TMEM65: variants seen among roughly 807,000 people sequenced by gnomAD.
TMEM65 encodes the protein transmembrane protein 65.
A neutral mutation model predicts 25.4 loss-of-function variants in TMEM65; 22 were observed. The observed-to-expected ratio is 0.86, with a 90% CI of 0.62 to 1.23. The LOEUF is 1.23. Ranked by LOEUF, TMEM65 falls within the 50% of genes most tolerant of loss-of-function variation. The pLI is 0.00. For synonymous variants in TMEM65, 132 were observed against 126.2 expected (o/e 1.05, Z -0.31); for missense variants, 262 against 308.2 (o/e 0.85, Z 1.12).
intron 1 of TMEM65, among the ~76,000 whole-genome samples, chr8:124,340,337 T>C (rs1019494817): frequency 6.6e-6 from 1 of 152,238 alleles, no homozygotes; most frequent in South Asian, 2.1e-4. Context: ...CTTATGATAT[T>C]GCCAAATTAA....
chr8:124,346,949 C>T (rs116897232), intron 1 of TMEM65, among the ~76,000 whole-genome samples: 2,327 of 152,160 alleles, frequency 0.015, 30 homozygotes, highest in Non-Finnish European at 0.025. Flanking sequence ...AAATATACAA[C>T]ATATTAAAGA....
chr8:124,344,965 T>C (rs1241387837), intron 1 of TMEM65, among the ~76,000 whole-genome samples: 2 of 152,160 alleles, frequency 1.3e-5, no homozygotes, highest in African/African-American at 4.8e-5. Flanking sequence ...TGACAAAGAA[T>C]GGTGTCAATG....
intron 2 of TMEM65, among the ~76,000 whole-genome samples, chr8:124,328,711 C>T (rs1814396715): frequency 6.6e-6 from 1 of 152,058 alleles, no homozygotes; most frequent in South Asian, 2.1e-4. Flanking sequence ...TCTCAACAAA[C>T]ATTAAAATGC....
intron 1 of TMEM65, chr8:124,351,157 AAAAT>A (rs1586469456): frequency 1.1e-6 from 1 of 947,578 alleles, no homozygotes; most frequent in Non-Finnish European, 1.3e-6. Context: ...TGCATGCAAC[AAAAT>A]AAATAATATA....
intron 1 of TMEM65, among the ~76,000 whole-genome samples, chr8:124,353,482 T>C (rs1814739019): frequency 6.6e-6 from 1 of 152,086 alleles, no homozygotes; most frequent in Non-Finnish European, 1.5e-5. Context: ...CTTTTATATA[T>C]AAATACATAT....
Position 124,306,609 on chromosome 8 carries a change from T to G in TMEM65, c.*7351A>C, listed in dbSNP as rs1480391708. ...TTCATATAATATATGTAGACACTAG[T>G]CTATTTTATCATTTACTACCATAAA... On this transcript the variant is annotated 3_prime_UTR_variant, in exon 7 of 7. Transcript: ENST00000297632. 1 of 152,210 alleles carries G rather than the reference T, an allele frequency of 6.6e-6. No homozygotes were observed. The highest frequency in any genetic ancestry group is 2.4e-5 in the African/African-American group (1 of 41,450). 9.4% of individuals were successfully genotyped at this position (152,210 alleles called of 1,614,324 possible).
Position 124,312,214 on chromosome 8 carries a change from T to C in TMEM65, c.*1746A>G, listed in dbSNP as rs1814171368. ...TGGTTATCTGTGTGTGGTTATTATA[T>C]GGAAGATACAAACCGAAATTCTATT... On this transcript the variant is annotated 3_prime_UTR_variant, in exon 7 of 7. Coordinates refer to ENST00000297632, the MANE Select transcript of TMEM65 (RefSeq NM_194291.3). The C allele has an allele frequency of 6.6e-6, 1 of 151,740 alleles. No homozygotes were observed. Among genetic ancestry groups the C allele is most frequent in the African/African-American group, 2.4e-5 (1 of 41,340 alleles). The allele number at this position is 151,740 out of a possible 1,614,324, so 9.4% of individuals were successfully genotyped here.
In TMEM65 at chr8:124,312,599, T is replaced by C. The variant is rs1259661088; in HGVS notation, c.*1361A>G. 6.6e-6 allele frequency: 1 copy of C among 151,958 alleles called. No individual in the cohort carries two copies. Among genetic ancestry groups the C allele is most frequent in the African/African-American group, 2.4e-5 (1 of 41,420 alleles). 9.4% of individuals were successfully genotyped at this position (151,958 alleles called of 1,614,324 possible). ...ATGTGTTTAATTACGCTGTTACAAG[T>C]AAGACTAATTTTTTAGCATGTGTAA... On this transcript the variant is annotated 3_prime_UTR_variant, in exon 7 of 7. Coordinates refer to ENST00000297632, the MANE Select transcript of TMEM65 (RefSeq NM_194291.3).
chr8:124,323,201 AAATT>A (rs1376715918), intron 4 of TMEM65, 116 bp downstream of exon 4: 4 of 572,788 alleles, frequency 7.0e-6, no homozygotes, highest in East Asian at 3.6e-5. Context: ...AGGATGAAGA[AAATT>A]AACAGATATC....
chr8:124,316,678 G>A (rs904028547), intron 6 of TMEM65, among the ~76,000 whole-genome samples: 1 of 152,084 alleles, frequency 6.6e-6, no homozygotes, highest in Non-Finnish European at 1.5e-5. Flanking sequence ...AAATGAACCT[G>A]CTTTTAATAC....
chr8:124,319,809 A>T (rs557680316), intron 6 of TMEM65, among the ~76,000 whole-genome samples: 1 of 152,278 alleles, frequency 6.6e-6, no homozygotes, highest in South Asian at 2.1e-4. Flanking sequence ...ACCACAGTTT[A>T]TTATTCGTTT....
At chr8:124,318,658 G>A (rs926056923) in intron 6 of TMEM65, among the ~76,000 whole-genome samples, 8 of 152,126 alleles carry the variant, frequency 5.3e-5, no homozygotes, top group African/African-American at 1.9e-4. Context: ...TTACAAGCAT[G>A]AGCCACCCCA....
chr8:124,319,314 G>C lies in TMEM65; in HGVS notation c.621+772C>G, dbSNP rs567679700. Among the ~76,000 whole-genome samples, 3 of 151,716 alleles carry C rather than the reference G, an allele frequency of 2.0e-5. No individual in the cohort carries two copies. The South Asian group carries it at 6.3e-4, about 32-fold the overall frequency. ...TCCTTTTTTTCTTGATTTTATTGAT[G>C]GCATCATGATCCATCCAGTTTACTT... On this transcript the variant is annotated intron_variant, in intron 6 of 6. Transcript: ENST00000297632.
rs942365259 is a variant in TMEM65, at chr8:124,372,053, C to T, written c.105G>A (p.Gly35=). 2.6e-4 allele frequency: 317 copies of T among 1,208,732 alleles called. No homozygotes were observed. The highest frequency in any genetic ancestry group is 3.1e-4 in the Non-Finnish European group (305 of 972,986). 74.9% of individuals were successfully genotyped at this position (1,208,732 alleles called of 1,614,324 possible). A position where few individuals can be genotyped will look rare whatever the true frequency, so the allele number is the denominator to read the frequency against. ...APRPPSWCCC[G]RGLLALAPPG... ...GGGGCGCGAGCGCCAGCAGCCCCCG[C>T]CCGCAGCAGCACCAGGACGGCGGGC... The change falls in exon 1 of 7, where the codon GGG becomes GGA. Residue 35 remains glycine, a synonymous_variant. Coordinates refer to ENST00000297632, the MANE Select transcript of TMEM65 (RefSeq NM_194291.3).
intron 1 of TMEM65, among the ~76,000 whole-genome samples, chr8:124,350,252 T>C (rs1814690622): frequency 6.6e-6 from 1 of 152,040 alleles, no homozygotes; most frequent in Admixed American, 6.6e-5. Flanking sequence ...CTGAGTTTTA[T>C]TTAACTCTTA....
intron 1 of TMEM65, among the ~76,000 whole-genome samples, chr8:124,347,553 A>G (rs1814653636): frequency 6.6e-6 from 1 of 152,224 alleles, no homozygotes; most frequent in Non-Finnish European, 1.5e-5. Context: ...CATCCAGGTA[A>G]CTACAAACTA....
intron 3 of TMEM65, 67 bp downstream of exon 3, chr8:124,327,287 T>C (rs1814375864): frequency 9.2e-7 from 1 of 1,088,796 alleles, no homozygotes; most frequent in African/African-American, 1.6e-5. Flanking sequence ...ATAGAAAAAT[T>C]ATTAGGAAAA....
At chr8:124,351,897 C>T (rs4351403) in intron 1 of TMEM65, among the ~76,000 whole-genome samples, 55,971 of 152,060 alleles carry the variant, frequency 0.37, 10,587 homozygotes, top group East Asian at 0.56. Context: ...TTCACTTCAG[C>T]ATTTTCACTT....
chr8:124,366,359 G>A (rs1422214560), intron 1 of TMEM65, among the ~76,000 whole-genome samples: 2 of 152,060 alleles, frequency 1.3e-5, no homozygotes, highest in Non-Finnish European at 2.9e-5. Context: ...CCATCTCCTT[G>A]GGTCAACAGT....
Sources: gnomAD v4.1 joint callset for allele counts (sites outside exome capture counted in the v4.1 genomes callset) on GRCh38, gnomAD v4.1.1 for gene constraint, MANE v1.5 for transcripts, NCBI Gene and HGNC (gene_info 2026-07-23, HGNC 2026-07-21) for gene names.